TCF7L1: variants seen among roughly 807,000 people sequenced by gnomAD.
The protein encoded by TCF7L1 is transcription factor 7-like 1.
TCF7L1 carries 18 observed loss-of-function variants against 63.7 expected under a neutral mutation model. That is an observed-to-expected ratio of 0.28 (90% confidence interval 0.20 to 0.42). The LOEUF (loss-of-function observed/expected upper bound fraction) is 0.42. Ranked by LOEUF, TCF7L1 falls within the 10% of genes least tolerant of loss-of-function variation. The pLI is 1.00. For synonymous variants in TCF7L1, 355 were observed against 340.9 expected, an observed-to-expected ratio of 1.04 and a Z score of -0.46; for missense variants, 654 against 779.3, an observed-to-expected ratio of 0.84 and a Z score of 1.91.
chr2:85,186,258 C>T (rs1678920220), intron 3 of TCF7L1, among the ~76,000 whole-genome samples: 1 of 152,236 alleles, frequency 6.6e-6, no homozygotes, highest in South Asian at 2.1e-4. Flanking sequence ...TGAGCCACCG[C>T]GCCCGGCCGC....
intron 3 of TCF7L1, among the ~76,000 whole-genome samples, chr2:85,270,703 A>G (rs1681130609): frequency 1.3e-5 from 2 of 151,978 alleles, no homozygotes; most frequent in Admixed American, 1.3e-4. Context: ...TTTATTTTTT[A>G]TTTAGAGACA....
chr2:85,210,613 C>T (rs563912309), intron 3 of TCF7L1, among the ~76,000 whole-genome samples: 39 of 152,260 alleles, frequency 2.6e-4, no homozygotes, highest in African/African-American at 4.8e-4. Context: ...GACAACAGTG[C>T]GGAGGGAGGG....
Position 85,221,615 on chromosome 2 carries a change from C to G in TCF7L1, c.442-61880C>G, listed in dbSNP as rs559968497. Among the ~76,000 whole-genome samples the G allele has an allele frequency of 3.9e-5, 6 of 152,210 alleles. No individual in the cohort carries two copies. In the South Asian group the frequency reaches 1.2e-3, roughly 32 times the overall value. On this transcript the variant is annotated intron_variant, in intron 3 of 11. Coordinates refer to ENST00000282111, the MANE Select transcript of TCF7L1 (RefSeq NM_031283.3). ...CAGAATGGGGGATGGGGGGCAAACT[C>G]ATACTTTAATCAGGAACCCACTCCC...
intron 3 of TCF7L1, among the ~76,000 whole-genome samples, chr2:85,255,679 G>C (rs903972182): frequency 6.6e-6 from 1 of 152,138 alleles, no homozygotes; most frequent in African/African-American, 2.4e-5. Flanking sequence ...TGATCCTTTC[G>C]GGCCCCTCCT....
At chr2:85,272,028 A>G (rs1349429864) in intron 3 of TCF7L1, among the ~76,000 whole-genome samples, 1 of 152,308 alleles carries the variant, frequency 6.6e-6, no homozygotes, top group Non-Finnish European at 1.5e-5. Flanking sequence ...TGTGGTTTGC[A>G]GCCCACTACC....
intron 4 of TCF7L1, among the ~76,000 whole-genome samples, chr2:85,290,868 T>C (rs1308173588): frequency 1.3e-5 from 2 of 152,198 alleles, no homozygotes; most frequent in Non-Finnish European, 2.9e-5. Flanking sequence ...TTTGGCACCA[T>C]TCATTCTCTG....
At chr2:85,149,585 C>A (rs1215093351) in intron 3 of TCF7L1, among the ~76,000 whole-genome samples, 2 of 152,020 alleles carry the variant, frequency 1.3e-5, no homozygotes, top group East Asian at 1.9e-4. Context: ...GAGTCAGTGG[C>A]GCCATCTCAG....
chr2:85,152,581 C>T (rs1490080697), intron 3 of TCF7L1, among the ~76,000 whole-genome samples: 3 of 151,778 alleles, frequency 2.0e-5, no homozygotes, highest in African/African-American at 4.8e-5. Flanking sequence ...ATTACAGGCA[C>T]GTGCCACCAT....
At chr2:85,227,150 G>A (rs926950641) in intron 3 of TCF7L1, among the ~76,000 whole-genome samples, 3 of 152,060 alleles carry the variant, frequency 2.0e-5, no homozygotes, top group African/African-American at 7.2e-5. Context: ...CTGTTTTTCC[G>A]GCATCTACCT....
chr2:85,141,920 G>A lies in TCF7L1; in HGVS notation c.441+7470G>A, dbSNP rs540292251. Among the ~76,000 whole-genome samples, 14 of 152,340 alleles carry A rather than the reference G, an allele frequency of 9.2e-5. No homozygotes were observed. In the East Asian group the frequency reaches 2.5e-3, roughly 27 times the overall value. ...GAAAACCAAGGGCAAGTTGGCTAGA[G>A]TGGGGGCCTTGGAATTTTGTTGGCA... On this transcript the variant is annotated intron_variant, in intron 3 of 11. Transcript: ENST00000282111.
At chr2:85,240,368 G>T (rs191134133) in intron 3 of TCF7L1, among the ~76,000 whole-genome samples, 1 of 152,370 alleles carries the variant, frequency 6.6e-6, no homozygotes, top group East Asian at 1.9e-4. Context: ...ATCGCAGAGG[G>T]TGTGGATGGC....
intron 3 of TCF7L1, among the ~76,000 whole-genome samples, chr2:85,219,441 A>G (rs1257477552): frequency 6.6e-6 from 1 of 152,222 alleles, no homozygotes; most frequent in Non-Finnish European, 1.5e-5. Flanking sequence ...TGCATTGTTT[A>G]CAGTAGCATA....
At chr2:85,143,353 C>G (rs1383049721) in intron 3 of TCF7L1, among the ~76,000 whole-genome samples, 1 of 152,172 alleles carries the variant, frequency 6.6e-6, no homozygotes, top group Non-Finnish European at 1.5e-5. Flanking sequence ...CTTTGGCCCA[C>G]CACATTATGA....
chr2:85,236,730 C>G (rs949290518), intron 3 of TCF7L1, among the ~76,000 whole-genome samples: 3 of 152,142 alleles, frequency 2.0e-5, no homozygotes, highest in Admixed American at 6.5e-5. Flanking sequence ...AGTCCCAAGT[C>G]TGAGCTCCTG....
rs774094748 is a variant in TCF7L1, at chr2:85,176,986, C to CAAAAA, written c.441+42555_441+42559dup. Among the ~76,000 whole-genome samples, 395 of 66,762 alleles carry CAAAAA rather than the reference C, an allele frequency of 5.9e-3. 8 individuals are homozygous for CAAAAA. The highest frequency in any genetic ancestry group is 0.018 in the African/African-American group (367 of 20,970). The allele number at this position is 66,762 out of a possible 152,430, so 43.8% of individuals were successfully genotyped here. The stretch of plus-strand genomic sequence containing the variant: ...TGGGTGACAGAGCGAGACTCTGTCT[C>CAAAAA]AAAAAAAAAAAAAAAAAAAAAAATC... On this transcript the variant is annotated intron_variant, in intron 3 of 11. Transcript: ENST00000282111.
chr2:85,302,052 C>T (rs542105973), intron 4 of TCF7L1, among the ~76,000 whole-genome samples: 44 of 152,072 alleles, frequency 2.9e-4, no homozygotes, highest in Non-Finnish European at 5.4e-4. Context: ...TGCTGGAATC[C>T]GGGAGGCAGA....
intron 3 of TCF7L1, among the ~76,000 whole-genome samples, chr2:85,212,260 G>A (rs1416257637): frequency 6.6e-6 from 1 of 152,126 alleles, no homozygotes; most frequent in Non-Finnish European, 1.5e-5. Flanking sequence ...GCTGAGTGGG[G>A]CTGGGTTCAA....
At chr2:85,251,503 A>C (rs1680586050) in intron 3 of TCF7L1, among the ~76,000 whole-genome samples, 1 of 152,158 alleles carries the variant, frequency 6.6e-6, no homozygotes, top group Non-Finnish European at 1.5e-5. Flanking sequence ...GACCTGCCTA[A>C]AGTCATCACA....
At position 85,255,072 on chromosome 2, in the gene TCF7L1, T is replaced by C. The variant is rs116318365; in HGVS notation, c.442-28423T>C. On this transcript the variant is annotated intron_variant, in intron 3 of 11. Coordinates refer to ENST00000282111, the MANE Select transcript of TCF7L1 (RefSeq NM_031283.3). The stretch of plus-strand genomic sequence containing the variant: ...GCAGCATACAGAGAGATCGCCCTTC[T>C]GATGATGCGCCCAGTCTGAGGCCTC... Among the ~76,000 whole-genome samples the C allele has an allele frequency of 3.4e-3, 515 of 152,286 alleles. 4 individuals are homozygous for C. The highest frequency in any genetic ancestry group is 0.012 in the African/African-American group (487 of 41,550).
Sources: allele counts gnomAD v4.1 joint callset (sites outside exome capture counted in the v4.1 genomes callset), GRCh38; gene constraint gnomAD v4.1.1; transcripts MANE v1.5; gene names NCBI Gene and HGNC (gene_info 2026-07-23, HGNC 2026-07-21).